SYN3: variants seen among roughly 807,000 people sequenced by gnomAD.
SYN3 encodes the protein synapsin III, also known as synapsin-3.
SYN3 carries 35 observed loss-of-function variants against 65.8 expected under a neutral mutation model. The observed-to-expected ratio is 0.53, with a 90% CI of 0.41 to 0.70. The LOEUF (loss-of-function observed/expected upper bound fraction) is 0.70. Ranked by LOEUF, SYN3 falls within the 30% of genes least tolerant of loss-of-function variation. The pLI, the probability that SYN3 is intolerant of heterozygous loss-of-function variation, is 0.00. For synonymous variants in SYN3, 270 were observed against 292.9 expected (o/e 0.92, Z 0.80); for missense variants, 680 against 749.0 (o/e 0.91, Z 1.08).
intron 6 of SYN3, among the ~76,000 whole-genome samples, chr22:32,676,510 C>A (rs2060443772): frequency 7.6e-6 from 1 of 132,142 alleles, no homozygotes; most frequent in Admixed American, 7.6e-5. Context: ...CTTCCATTTT[C>A]TTTCTTTTCT....
rs538882249 is a variant in SYN3 at position 32,782,225 on chromosome 22, C to T, written c.711+82690G>A. On this transcript the variant is annotated intron_variant, in intron 6 of 13. Coordinates refer to ENST00000358763, the MANE Select transcript of SYN3 (RefSeq NM_003490.4). ...CTGGGATTACAGGCGGGTGCCACCACGCTCGGCTAATTTTGTATTTTTAAT... is the reference window on the plus strand; with the variant it reads ...CTGGGATTACAGGCGGGTGCCACCATGCTCGGCTAATTTTGTATTTTTAAT... Among the ~76,000 whole-genome samples the T allele has an allele frequency of 1.3e-4, 20 of 152,154 alleles. No individual in the cohort carries two copies. The South Asian group carries it at 1.5e-3, about 11-fold the overall frequency.
At chr22:32,797,829 C>T (rs2046466274) in intron 6 of SYN3, among the ~76,000 whole-genome samples, 1 of 152,238 alleles carries the variant, frequency 6.6e-6, no homozygotes, top group Admixed American at 6.5e-5. Context: ...ACTTGTCCTA[C>T]AGGATTCCCC....
In SYN3 at chr22:32,653,658, G is replaced by A. The variant is rs117350922; in HGVS notation, c.712-56922C>T. Among the ~76,000 whole-genome samples, 27 of 152,208 alleles carry A rather than the reference G, an allele frequency of 1.8e-4. 1 individual carries two copies. In the East Asian group the frequency reaches 5.2e-3, roughly 29 times the overall value. Reference sequence around the variant, plus strand: ...AAGATGCAGGAGGTGAAAAGTTGGGGGTCAGGAGGTAGGAAGTGGCTCTGG... The same window carrying A: ...AAGATGCAGGAGGTGAAAAGTTGGGAGTCAGGAGGTAGGAAGTGGCTCTGG... On this transcript the variant is annotated intron_variant, in intron 6 of 13. Transcript: ENST00000358763.
chr22:32,550,135 T>A, intron 7 of SYN3, among the ~76,000 whole-genome samples: 1 of 152,168 alleles, frequency 6.6e-6, no homozygotes, highest in Non-Finnish European at 1.5e-5. Flanking sequence ...ATTAAGCTAG[T>A]GGCTTAAACT....
intron 1 of SYN3, among the ~76,000 whole-genome samples, chr22:33,036,678 CTTTTTTTTTT>C (rs133977): frequency 4.0e-5 from 4 of 99,538 alleles, no homozygotes; most frequent in South Asian, 6.6e-4. Flanking sequence ...AGCCCAAGTT[CTTTTTTTTTT>C]TTTTTTTTTT....
chr22:32,632,914 TGG>T (rs2059765768), intron 6 of SYN3, among the ~76,000 whole-genome samples: 1 of 152,252 alleles, frequency 6.6e-6, no homozygotes, highest in South Asian at 2.1e-4. Context: ...CGGGTAGTTA[TGG>T]ATAATAACAC....
At chr22:32,790,405 A>ATTTT (rs2046297345) in intron 6 of SYN3, among the ~76,000 whole-genome samples, 1 of 69,488 alleles carries the variant, frequency 1.4e-5, no homozygotes, top group African/African-American at 5.1e-5. Context: ...ATTAAATTAA[A>ATTTT]CTTTATTTAT....
chr22:32,869,151 C>T, intron 4 of SYN3, 26 bp from the exon 5 acceptor site: 2 of 1,601,482 alleles, frequency 1.2e-6, no homozygotes, highest in Non-Finnish European at 1.7e-6. Flanking sequence ...GCAGTGTTAC[C>T]ACACTGGGAC....
chr22:32,739,184 C>G (rs1023076756), intron 6 of SYN3, among the ~76,000 whole-genome samples: 18 of 141,934 alleles, frequency 1.3e-4, no homozygotes, highest in Admixed American at 1.4e-4. Context: ...AGGGGGGGGG[C>G]GGTTTCCCCC....
At chr22:32,729,268 C>T (rs920729220) in intron 6 of SYN3, among the ~76,000 whole-genome samples, 5 of 152,148 alleles carry the variant, frequency 3.3e-5, no homozygotes, top group South Asian at 2.1e-4. Context: ...AAATATTAAA[C>T]GAATGAGTGA....
chr22:32,755,987 C>T (rs988707434), intron 6 of SYN3, among the ~76,000 whole-genome samples: 1 of 151,520 alleles, frequency 6.6e-6, no homozygotes, highest in African/African-American at 2.4e-5. Context: ...AAACAAACGC[C>T]GCATGTTTTT....
intron 4 of SYN3, among the ~76,000 whole-genome samples, chr22:32,891,816 C>T (rs2049455770): frequency 6.6e-6 from 1 of 152,002 alleles, no homozygotes; most frequent in South Asian, 2.1e-4. Context: ...GCTACTAAGC[C>T]CTCTGAGCCT....
chr22:32,516,750 G>A lies in SYN3; in HGVS notation c.1610+1293C>T, dbSNP rs186151065. ...TAGCATGATCCCTGGACTGGATGTC[G>A]TGGGTCTAATCCCAGCTCTTCTAGT... On this transcript the variant is annotated intron_variant, in intron 13 of 13. Coordinates refer to ENST00000358763, the MANE Select transcript of SYN3 (RefSeq NM_003490.4). Among the ~76,000 whole-genome samples, 303 of 152,320 alleles carry A rather than the reference G, an allele frequency of 2.0e-3. 1 individual carries two copies. Among genetic ancestry groups the A allele is most frequent in the Non-Finnish European group, 3.3e-3 (225 of 68,030 alleles).
Position 33,001,428 on chromosome 22 carries a change from T to C in SYN3, c.311+4924A>G, listed in dbSNP as rs549289164. On this transcript the variant is annotated intron_variant, in intron 2 of 13. Coordinates refer to ENST00000358763, the MANE Select transcript of SYN3 (RefSeq NM_003490.4). ...ACCCTACTGTATACCACATGGACACTGGAGGGACAGATATTAATAAGACCC... is the reference window on the plus strand; with the variant it reads ...ACCCTACTGTATACCACATGGACACCGGAGGGACAGATATTAATAAGACCC... Among the ~76,000 whole-genome samples, 455 of 152,302 alleles carry C rather than the reference T, an allele frequency of 3.0e-3. 3 individuals are homozygous for C. The highest frequency in any genetic ancestry group is 0.011 in the African/African-American group (442 of 41,566).
chr22:32,936,237 A>T (rs2050772381), intron 3 of SYN3, among the ~76,000 whole-genome samples: 1 of 152,212 alleles, frequency 6.6e-6, no homozygotes, highest in South Asian at 2.1e-4. Context: ...AAACTGCATT[A>T]CATATCAGTT....
At chr22:32,857,534 T>C (rs375980151) in intron 6 of SYN3, among the ~76,000 whole-genome samples, 16 of 152,292 alleles carry the variant, frequency 1.1e-4, no homozygotes, top group East Asian at 5.8e-4. Flanking sequence ...GCTCCTACAC[T>C]TAGGCTGGAC....
chr22:32,813,757 G>T (rs1343315162), intron 6 of SYN3, among the ~76,000 whole-genome samples: 1 of 151,888 alleles, frequency 6.6e-6, no homozygotes, highest in Non-Finnish European at 1.5e-5. Flanking sequence ...TCAAACCTTG[G>T]CCTCGTTCAT....
chr22:32,796,188 T>A (rs1463359858), intron 6 of SYN3, among the ~76,000 whole-genome samples: 1 of 152,220 alleles, frequency 6.6e-6, no homozygotes, highest in Non-Finnish European at 1.5e-5. Context: ...AATTGACTGC[T>A]TGAATATATG....
chr22:32,849,473 G>T, intron 6 of SYN3: 1 of 1,613,802 alleles, frequency 6.2e-7, no homozygotes, highest in Non-Finnish European at 8.5e-7. Context: ...AAGGTGGTGG[G>T]GAAGAAGCTG....
Sources: allele counts gnomAD v4.1 joint callset (sites outside exome capture counted in the v4.1 genomes callset), GRCh38; gene constraint gnomAD v4.1.1; transcripts MANE v1.5; gene names NCBI Gene and HGNC (gene_info 2026-07-23, HGNC 2026-07-21).